DLGAP1: variants seen among roughly 807,000 people sequenced by gnomAD.
The protein encoded by DLGAP1 is disks large-associated protein 1.
Under a neutral mutation model 90.8 loss-of-function variants are expected in DLGAP1, and 11 were observed. The ratio of observed to expected loss-of-function variants is 0.12; its 90% CI spans 0.08 to 0.20. DLGAP1 has a LOEUF of 0.20. Ranked by LOEUF, DLGAP1 falls within the 10% of genes least tolerant of loss-of-function variation. DLGAP1 has a pLI of 1.00. For synonymous variants in DLGAP1, 558 were observed against 540.7 expected (o/e 1.03, Z -0.44); for missense variants, 1,050 against 1,333.8 (o/e 0.79, Z 3.31).
intron 7 of DLGAP1, among the ~76,000 whole-genome samples, chr18:3,590,621 G>C (rs548995678): frequency 6.6e-6 from 1 of 152,056 alleles, no homozygotes. Context: ...CTGGGAGGTC[G>C]AGGCCAGTGG....
intron 7 of DLGAP1, among the ~76,000 whole-genome samples, chr18:3,601,080 A>C (rs1448542919): frequency 3.3e-5 from 5 of 149,452 alleles, no homozygotes; most frequent in African/African-American, 1.2e-4. Context: ...ATATATAGAT[A>C]GATATATAGA....
chr18:4,362,594 T>A (rs780409666), intron 1 of DLGAP1, among the ~76,000 whole-genome samples: 2 of 152,126 alleles, frequency 1.3e-5, no homozygotes, highest in Non-Finnish European at 1.5e-5. Flanking sequence ...AATGGAAAGT[T>A]ACTGTTTAAT....
rs1252006310 is a variant in DLGAP1, at chr18:4,454,083, C to T, written c.-267+923G>A. Reference sequence around the variant, plus strand: ...GCAGCCGAGCCACGGGCCACCCCTTCCCACGGCCTCCCGGTGCCACCCAGC... The same window carrying T: ...GCAGCCGAGCCACGGGCCACCCCTTTCCACGGCCTCCCGGTGCCACCCAGC... On this transcript the variant is annotated intron_variant, in intron 1 of 12. Transcript: ENST00000315677. This position sits in a 1 kb window ranked among gnomAD's most constrained non-coding sequence, Gnocchi z 4.7. Among the ~76,000 whole-genome samples the T allele has an allele frequency of 1.3e-5, 2 of 152,218 alleles. No homozygotes were observed. Among genetic ancestry groups the T allele is most frequent in the African/African-American group, 4.8e-5 (2 of 41,462 alleles).
intron 2 of DLGAP1, among the ~76,000 whole-genome samples, chr18:4,078,566 T>C (rs553756323): frequency 1.3e-5 from 2 of 152,124 alleles, no homozygotes; most frequent in Admixed American, 1.3e-4. Flanking sequence ...CAGACAAAAT[T>C]AAATCCTCAA....
intron 6 of DLGAP1, 50 bp downstream of exon 6, chr18:3,742,285 C>T (rs932311207): frequency 2.5e-6 from 4 of 1,593,004 alleles, no homozygotes; most frequent in Non-Finnish European, 3.4e-6. Flanking sequence ...TTCTCACTAA[C>T]CTTCCTGCCA....
intron 1 of DLGAP1, among the ~76,000 whole-genome samples, chr18:4,182,977 T>G (rs976718494): frequency 2.6e-5 from 4 of 152,144 alleles, no homozygotes; most frequent in Admixed American, 6.6e-5. Context: ...AGGGTAATCA[T>G]AGCTGGGCTC....
intron 7 of DLGAP1, among the ~76,000 whole-genome samples, chr18:3,717,718 G>A (rs895763597): frequency 2.0e-5 from 3 of 152,196 alleles, no homozygotes; most frequent in African/African-American, 7.2e-5. Flanking sequence ...CAAATTTCCA[G>A]AGGAAATCTT....
chr18:3,816,741 A>G (rs28495484), intron 4 of DLGAP1, among the ~76,000 whole-genome samples: 279 of 152,330 alleles, frequency 1.8e-3, no homozygotes, highest in African/African-American at 6.3e-3. Flanking sequence ...TCAGAGTTAC[A>G]GCTAAGAAGG....
In DLGAP1 at chr18:3,680,225, C is replaced by T. The variant is rs77126719; in HGVS notation, c.1591+48910G>A. 672 of 152,254 alleles carry T rather than the reference C, an allele frequency of 4.4e-3. 10 individuals carry two copies. The highest frequency in any genetic ancestry group is 0.015 in the African/African-American group (643 of 41,500). The allele number at this position is 152,254 out of a possible 1,614,324, so 9.4% of individuals were successfully genotyped here. On this transcript the variant is annotated intron_variant, in intron 7 of 12. Coordinates refer to ENST00000315677, the MANE Select transcript of DLGAP1 (RefSeq NM_004746.4). ...TTATGGTTGGGACCTCAGAAGGGAGCGAAACAAAACCAAAAGTCATTCCAA... is the reference window on the plus strand; with the variant it reads ...TTATGGTTGGGACCTCAGAAGGGAGTGAAACAAAACCAAAAGTCATTCCAA...
intron 4 of DLGAP1, among the ~76,000 whole-genome samples, chr18:3,844,469 T>A (rs530919502): frequency 1.9e-4 from 29 of 152,322 alleles, no homozygotes; most frequent in Admixed American, 1.5e-3. Context: ...CACAAAAAAG[T>A]GAAGCCATCC....
chr18:3,925,805 G>A (rs914420364), intron 3 of DLGAP1, among the ~76,000 whole-genome samples: 1 of 152,190 alleles, frequency 6.6e-6, no homozygotes, highest in African/African-American at 2.4e-5. Context: ...CTTTTGAACA[G>A]TGTTTGACTA....
intron 2 of DLGAP1, among the ~76,000 whole-genome samples, chr18:4,094,607 CT>C (rs35060422): frequency 0.28 from 34,168 of 124,108 alleles, 3,597 homozygotes; most frequent in African/African-American, 0.32. Context: ...CTTTCTCTTT[CT>C]TTTTTTTTTT....
At chr18:3,797,143 C>G (rs576528267) in intron 5 of DLGAP1, among the ~76,000 whole-genome samples, 1 of 152,210 alleles carries the variant, frequency 6.6e-6, no homozygotes, top group East Asian at 1.9e-4. Context: ...ACCATCCTGG[C>G]TAACATGGTG....
intron 2 of DLGAP1, among the ~76,000 whole-genome samples, chr18:4,081,516 G>A (rs2075608102): frequency 6.6e-6 from 1 of 152,088 alleles, no homozygotes; most frequent in Admixed American, 6.6e-5. Flanking sequence ...AAGTCACAAG[G>A]TCTCTCTGAC....
chr18:4,317,271 C>T (rs370579736), intron 1 of DLGAP1, among the ~76,000 whole-genome samples: 3 of 152,132 alleles, frequency 2.0e-5, no homozygotes, highest in South Asian at 4.1e-4. Context: ...GTTACTGACA[C>T]ATTCACCGGC....
intron 2 of DLGAP1, among the ~76,000 whole-genome samples, chr18:4,097,786 T>C (rs954779405): frequency 1.6e-4 from 24 of 152,234 alleles, no homozygotes; most frequent in African/African-American, 5.8e-4. Flanking sequence ...AGATATACTT[T>C]CCCACAGGAT....
intron 1 of DLGAP1, among the ~76,000 whole-genome samples, chr18:4,340,685 A>G (rs898895732): frequency 6.6e-6 from 1 of 152,154 alleles, no homozygotes; most frequent in Non-Finnish European, 1.5e-5. Flanking sequence ...CACAGTTAGT[A>G]ACTTGGTTCT....
intron 2 of DLGAP1, among the ~76,000 whole-genome samples, chr18:4,094,362 G>A (rs1057096155): frequency 6.6e-6 from 1 of 151,868 alleles, no homozygotes; most frequent in Non-Finnish European, 1.5e-5. Context: ...TGCCTTTATG[G>A]TACACGGTTA....
chr18:3,555,654 T>TTATAGGC (rs1330431635), intron 9 of DLGAP1, among the ~76,000 whole-genome samples: 1 of 151,956 alleles, frequency 6.6e-6, no homozygotes, highest in Admixed American at 6.6e-5. Flanking sequence ...CTACTAAAAA[T>TTATAGGC]ACAAAATTAG....
Sources: allele counts gnomAD v4.1 joint callset (sites outside exome capture counted in the v4.1 genomes callset), GRCh38; gene constraint gnomAD v4.1.1; non-coding constraint Gnocchi (gnomAD v3.1); transcripts MANE v1.5; gene names NCBI Gene and HGNC (gene_info 2026-07-23, HGNC 2026-07-21).